TSHZ2: variants seen among roughly 807,000 people sequenced by gnomAD.
The protein encoded by TSHZ2 is teashirt zinc finger homeobox 2, also known as teashirt homolog 2.
Under a neutral mutation model 74.4 loss-of-function variants are expected in TSHZ2, and 21 were observed. The ratio of observed to expected loss-of-function variants is 0.28; its 90% CI spans 0.20 to 0.41. TSHZ2 has a LOEUF of 0.41. Among genes scored for constraint, TSHZ2 ranks in the 10% least tolerant of loss-of-function variants. The pLI is 1.00. For missense variants in TSHZ2, 1,244 were observed against 1,293.5 expected (o/e 0.96, Z 0.59); for synonymous variants, 540 against 515.3 (o/e 1.05, Z -0.65).
chr20:53,416,313 G>T (rs1331963233), intron 2 of TSHZ2, among the ~76,000 whole-genome samples: 1 of 152,214 alleles, frequency 6.6e-6, no homozygotes, highest in Non-Finnish European at 1.5e-5. Flanking sequence ...TATGGAAAGA[G>T]CACGTGCTGA....
At chr20:53,361,139 G>A (rs1182963118) in intron 2 of TSHZ2, among the ~76,000 whole-genome samples, 1 of 152,196 alleles carries the variant, frequency 6.6e-6, no homozygotes, top group African/African-American at 2.4e-5. Context: ...TGAGGCATCA[G>A]TAAATAAAGA....
intron 1 of TSHZ2, among the ~76,000 whole-genome samples, chr20:53,154,488 C>T (rs1374254219): frequency 1.3e-5 from 2 of 152,168 alleles, no homozygotes; most frequent in East Asian, 1.9e-4. Context: ...ACAACCACTG[C>T]GGGTGCCCTC....
chr20:52,994,406 A>T (rs184039617), intron 1 of TSHZ2, among the ~76,000 whole-genome samples: 10 of 151,806 alleles, frequency 6.6e-5, no homozygotes, highest in South Asian at 2.1e-4. Context: ...GGATGGATGG[A>T]TGGATGAGTA....
intron 1 of TSHZ2, among the ~76,000 whole-genome samples, chr20:53,003,881 C>CT (rs1330353534): frequency 2.0e-5 from 3 of 151,646 alleles, no homozygotes; most frequent in Non-Finnish European, 2.9e-5. Flanking sequence ...CTCTTTCCTT[C>CT]TTTTTTTTCT....
intron 2 of TSHZ2, among the ~76,000 whole-genome samples, chr20:53,351,841 T>G (rs1980656756): frequency 6.6e-6 from 1 of 152,224 alleles, no homozygotes; most frequent in Admixed American, 6.5e-5. Context: ...CAGAGAGATT[T>G]GAGTTCAAAT....
At chr20:53,072,967 ATCCCTCCATCCATCCC>A (rs1985224932) in intron 1 of TSHZ2, among the ~76,000 whole-genome samples, 1 of 111,676 alleles carries the variant, frequency 9.0e-6, no homozygotes, top group Admixed American at 1.1e-4. Flanking sequence ...TCATCCATCT[ATCCCTCCATCCATCCC>A]TCCCTTCATC....
chr20:53,328,478 A>G (rs77180493), intron 2 of TSHZ2, among the ~76,000 whole-genome samples: 5,967 of 152,310 alleles, frequency 0.039, 356 homozygotes, highest in African/African-American at 0.13. Context: ...TCCTCTCTGC[A>G]ATGCTGATCA....
At chr20:53,452,035 A>G (rs759658909) in intron 2 of TSHZ2, among the ~76,000 whole-genome samples, 1 of 152,260 alleles carries the variant, frequency 6.6e-6, no homozygotes, top group Non-Finnish European at 1.5e-5. Flanking sequence ...AGAATAGTCA[A>G]GACATGGGCA....
At chr20:53,308,062 G>A (rs757473796) in intron 2 of TSHZ2, among the ~76,000 whole-genome samples, 1 of 152,210 alleles carries the variant, frequency 6.6e-6, no homozygotes, top group East Asian at 1.9e-4. Context: ...CCACGACATA[G>A]TGAACATCTT....
intron 2 of TSHZ2, among the ~76,000 whole-genome samples, chr20:53,421,957 A>G (rs1481858706): frequency 6.6e-6 from 1 of 152,092 alleles, no homozygotes; most frequent in Non-Finnish European, 1.5e-5. Flanking sequence ...CTGGGATTAC[A>G]GGCATGAGCC....
intron 2 of TSHZ2, among the ~76,000 whole-genome samples, chr20:53,332,984 GGT>G (rs1420406285): frequency 1.3e-5 from 2 of 152,082 alleles, no homozygotes; most frequent in Non-Finnish European, 2.9e-5. Flanking sequence ...TAACTACACT[GGT>G]GTGTGTGATT....
chr20:53,102,016 C>T (rs1283398915), intron 1 of TSHZ2, among the ~76,000 whole-genome samples: 2 of 150,846 alleles, frequency 1.3e-5, no homozygotes, highest in Non-Finnish European at 3.0e-5. Context: ...ATAAATAAGT[C>T]TCTTGGCTGA....
At chr20:52,987,548 C>T (rs1366264135) in intron 1 of TSHZ2, among the ~76,000 whole-genome samples, 2 of 151,190 alleles carry the variant, frequency 1.3e-5, no homozygotes, top group Non-Finnish European at 2.9e-5. Flanking sequence ...TCTCTCTCTC[C>T]CCTACCCCCA....
At chr20:53,135,589 TTTTTATTTTA>T (rs1031797589) in intron 1 of TSHZ2, among the ~76,000 whole-genome samples, 1 of 152,064 alleles carries the variant, frequency 6.6e-6, no homozygotes, top group African/African-American at 2.4e-5. Flanking sequence ...TGTTTGTTTA[TTTTTATTTTA>T]TTTTATTTTA....
chr20:53,204,891 C>A (rs970974456), intron 1 of TSHZ2, among the ~76,000 whole-genome samples: 1 of 151,656 alleles, frequency 6.6e-6, no homozygotes, highest in African/African-American at 2.4e-5. Flanking sequence ...ACTAGCCTGA[C>A]CAACATGCTG....
At chr20:53,384,545 G>A (rs903862675) in intron 2 of TSHZ2, among the ~76,000 whole-genome samples, 3 of 152,156 alleles carry the variant, frequency 2.0e-5, no homozygotes, top group Admixed American at 6.5e-5. Context: ...CTGTCCTGAC[G>A]TCTAGTCCCT....
chr20:53,344,767 T>G (rs777766522), intron 2 of TSHZ2, among the ~76,000 whole-genome samples: 11 of 152,176 alleles, frequency 7.2e-5, no homozygotes, highest in Non-Finnish European at 1.2e-4. Flanking sequence ...GTAACCCCAT[T>G]GAGAAAAGTT....
chr20:53,387,222 G>A (rs886609442), intron 2 of TSHZ2, among the ~76,000 whole-genome samples: 4 of 152,162 alleles, frequency 2.6e-5, no homozygotes, highest in African/African-American at 2.4e-5. Flanking sequence ...CAAACTTCCC[G>A]AGCGTTCACT....
At chr20:53,078,156 A>G (rs1385373051) in intron 1 of TSHZ2, among the ~76,000 whole-genome samples, 1 of 152,222 alleles carries the variant, frequency 6.6e-6, no homozygotes, top group African/African-American at 2.4e-5. Context: ...CTGTGTGTTC[A>G]CGCTAAGAAA....
Sources: gnomAD v4.1 joint callset for allele counts (sites outside exome capture counted in the v4.1 genomes callset) on GRCh38, gnomAD v4.1.1 for gene constraint, MANE v1.5 for transcripts, NCBI Gene and HGNC (gene_info 2026-07-23, HGNC 2026-07-21) for gene names.